Variants in MBNL2 observed in about 807,000 individuals in gnomAD.
MBNL2 encodes muscleblind like splicing regulator 2.
In MBNL2, 17 loss-of-function variants were observed where a neutral mutation model predicts 41.9. That is an observed-to-expected ratio of 0.41 (90% CI 0.28 to 0.61). The LOEUF is 0.61. Ranked by LOEUF, MBNL2 falls within the 20% of genes least tolerant of loss-of-function variation. The pLI, the probability that MBNL2 is intolerant of heterozygous loss-of-function variation, is 0.35. For synonymous variants in MBNL2, 195 were observed against 182.9 expected, an observed-to-expected ratio of 1.07 and a Z score of -0.53; for missense variants, 336 against 505.6, an observed-to-expected ratio of 0.66 and a Z score of 3.22.
chr13:97,333,003 A>G (rs1182909904), intron 2 of MBNL2, among the ~76,000 whole-genome samples: 1 of 152,212 alleles, frequency 6.6e-6, no homozygotes, highest in African/African-American at 2.4e-5. Context: ...TTCAAACTCC[A>G]GAGAGGAAGT....
chr13:97,311,536 A>T (rs1008194665), intron 2 of MBNL2, among the ~76,000 whole-genome samples: 1 of 152,210 alleles, frequency 6.6e-6, no homozygotes, highest in East Asian at 1.9e-4. Flanking sequence ...GCTTTATGGG[A>T]TTACATTTTT....
intron 1 of MBNL2, among the ~76,000 whole-genome samples, chr13:97,260,357 C>T (rs2048373449): frequency 6.6e-6 from 1 of 152,070 alleles, no homozygotes; most frequent in South Asian, 2.1e-4. Flanking sequence ...GACAGTCCCG[C>T]TCTGTGAGGT....
At chr13:97,378,491 T>C (rs2065154989) in intron 8 of MBNL2, among the ~76,000 whole-genome samples, 1 of 152,228 alleles carries the variant, frequency 6.6e-6, no homozygotes, top group African/African-American at 2.4e-5. Context: ...TGGCTGTTGA[T>C]GCTTTCATAA....
At chr13:97,344,239 G>A (rs2061658712) in intron 4 of MBNL2, among the ~76,000 whole-genome samples, 1 of 152,142 alleles carries the variant, frequency 6.6e-6, no homozygotes, top group Non-Finnish European at 1.5e-5. Context: ...TACTTTGTTG[G>A]GTAAAATTTC....
intron 1 of MBNL2, among the ~76,000 whole-genome samples, chr13:97,222,926 T>C (rs1566349177): frequency 1.3e-5 from 2 of 151,770 alleles, no homozygotes; most frequent in African/African-American, 2.4e-5. Context: ...AATTAAGGAT[T>C]AAAAAAAAAT....
chr13:97,203,184 A>G, the MBNL2 span, among the ~76,000 whole-genome samples: 1 of 152,180 alleles, frequency 6.6e-6, no homozygotes, highest in Non-Finnish European at 1.5e-5. Context: ...CCATTTGCAA[A>G]TAAAAAGGTC....
chr13:97,295,170 G>A (rs2056825789), intron 2 of MBNL2, among the ~76,000 whole-genome samples: 1 of 152,170 alleles, frequency 6.6e-6, no homozygotes, highest in Admixed American at 6.5e-5. Flanking sequence ...TCTGTGTAAA[G>A]AACAGGGCCA....
intron 2 of MBNL2, among the ~76,000 whole-genome samples, chr13:97,313,197 G>A (rs1031151642): frequency 6.6e-6 from 1 of 152,148 alleles, no homozygotes. Flanking sequence ...AAGGTCCAAC[G>A]GCTCTTTGAA....
chr13:97,202,142 G>A, the MBNL2 span, among the ~76,000 whole-genome samples: 4 of 152,152 alleles, frequency 2.6e-5, no homozygotes, highest in Non-Finnish European at 5.9e-5. Flanking sequence ...TAGTTGAAGC[G>A]ATCTGATATC....
chr13:97,308,751 T>G (rs877671), intron 2 of MBNL2, among the ~76,000 whole-genome samples: 93,213 of 152,028 alleles, frequency 0.61, 28,682 homozygotes, highest in East Asian at 0.7. Context: ...GATACAAGCC[T>G]TCACTTTGGG....
chr13:97,337,663 T>C (rs1218609457), intron 3 of MBNL2, among the ~76,000 whole-genome samples: 1 of 152,210 alleles, frequency 6.6e-6, no homozygotes, highest in Non-Finnish European at 1.5e-5. Context: ...TTAAAGGAAC[T>C]TGACCCGTTC....
intron 8 of MBNL2, among the ~76,000 whole-genome samples, chr13:97,371,664 A>G (rs1403422307): frequency 6.6e-6 from 1 of 152,092 alleles, no homozygotes; most frequent in Admixed American, 6.6e-5. Context: ...TCGAGGCGGG[A>G]GAGTCTGTAG....
chr13:97,166,753 G>A, the MBNL2 span, among the ~76,000 whole-genome samples: 20 of 150,408 alleles, frequency 1.3e-4, no homozygotes, highest in South Asian at 4.3e-4. Flanking sequence ...CCTTGTGATC[G>A]TGTGAGTTAA....
chr13:97,246,418 T>G (rs1802771599), intron 1 of MBNL2, among the ~76,000 whole-genome samples: 1 of 152,080 alleles, frequency 6.6e-6, no homozygotes. Context: ...TGTTAGAAAA[T>G]TATTTAAAAC....
the MBNL2 span, among the ~76,000 whole-genome samples, chr13:97,151,684 G>T: frequency 6.6e-6 from 1 of 152,292 alleles, no homozygotes; most frequent in East Asian, 1.9e-4. Flanking sequence ...TGAAAATAGA[G>T]AAATTAAATG....
intron 7 of MBNL2, among the ~76,000 whole-genome samples, chr13:97,359,724 A>G (rs1424327375): frequency 6.6e-6 from 1 of 152,162 alleles, no homozygotes; most frequent in Non-Finnish European, 1.5e-5. Flanking sequence ...GAAGCCAAAA[A>G]GTGGGTCCTA....
At chr13:97,222,280 G>A (rs2040926176), upstream of MBNL2, 1 of 396,584 alleles carries the variant, frequency 2.5e-6, no homozygotes, top group Non-Finnish European at 4.4e-6. Context: ...GGCTGGCCCC[G>A]GCTGGGAGGG....
chr13:97,355,609 GT>G (rs575914371), intron 5 of MBNL2, among the ~76,000 whole-genome samples: 15 of 148,002 alleles, frequency 1.0e-4, no homozygotes, highest in Non-Finnish European at 1.3e-4. Context: ...AGAATTTTTA[GT>G]TTTTTTTTTA....
intron 2 of MBNL2, among the ~76,000 whole-genome samples, chr13:97,319,317 A>T (rs1372502134): frequency 6.6e-6 from 1 of 152,100 alleles, no homozygotes; most frequent in Non-Finnish European, 1.5e-5. Flanking sequence ...TCACTTGAGG[A>T]TTGATTCTGG....
Sources: gnomAD v4.1 joint callset for allele counts (sites outside exome capture counted in the v4.1 genomes callset) on GRCh38, gnomAD v4.1.1 for gene constraint, MANE v1.5 for transcripts, NCBI Gene and HGNC (gene_info 2026-07-23, HGNC 2026-07-21) for gene names.